The following PCTP variants were observed in gnomAD, a reference collection of about 807,000 sequenced individuals.
The protein encoded by PCTP is phosphatidylcholine transfer protein.
In PCTP, 27 loss-of-function variants were observed where a neutral mutation model predicts 31.0. The observed-to-expected ratio is 0.87, with a 90% CI of 0.64 to 1.20. The LOEUF is 1.20. Ranked by LOEUF, PCTP falls within the 50% of genes most tolerant of loss-of-function variation. The probability of loss-of-function intolerance (pLI) is 0.00; values close to 1 mark genes in which losing one functional copy is unlikely to be tolerated. For missense variants in PCTP, 287 were observed against 268.2 expected (o/e 1.07, Z -0.49); for synonymous variants, 108 against 101.2 (o/e 1.07, Z -0.40).
rs12941739 is a variant in PCTP at position 55,751,132 on chromosome 17, A to G, written c.29A>G (p.Glu10Gly). The G allele has an allele frequency of 1.9e-6, 3 of 1,543,914 alleles. No individual in the cohort carries two copies. The highest frequency in any genetic ancestry group is 2.6e-6 in the Non-Finnish European group (3 of 1,144,628). The change falls in exon 1 of 6, where the codon GAG becomes GGG. Residue 10 changes from glutamate to glycine, a missense_variant. By Grantham distance (98) the Glu-to-Gly change is moderately conservative (BLOSUM62 -2). Transcript: ENST00000268896. ...GAGCTGGCCGCCGGAAGCTTCTCGG[A>G]GGAGCAGTTCTGGGAGGCCTGCGCC... MELAAGSFS[E>G]EQFWEACAEL...
chr17:55,800,792 C>T (rs562250273), intron 3 of PCTP, among the ~76,000 whole-genome samples: 3 of 152,004 alleles, frequency 2.0e-5, no homozygotes, highest in African/African-American at 4.8e-5. Context: ...AAGTTGGTGA[C>T]CTTCAATAGG....
chr17:55,812,233 A>T (rs8082270), intron 3 of PCTP, among the ~76,000 whole-genome samples: 3,104 of 152,236 alleles, frequency 0.02, 120 homozygotes, highest in African/African-American at 0.07. Flanking sequence ...AATAATAATA[A>T]TTACAAACAT....
At chr17:55,835,300 G>A (rs1905742580) in intron 5 of PCTP, among the ~76,000 whole-genome samples, 1 of 152,162 alleles carries the variant, frequency 6.6e-6, no homozygotes, top group Non-Finnish European at 1.5e-5. Flanking sequence ...GTATTCTTTA[G>A]CCCTTTCATG....
chr17:55,774,206 A>C (rs907868531), intron 4 of PCTP, among the ~76,000 whole-genome samples: 2 of 152,162 alleles, frequency 1.3e-5, no homozygotes, highest in Non-Finnish European at 2.9e-5. Flanking sequence ...GGTCCTGTGG[A>C]TACATACGCT....
intron 1 of PCTP, chr17:55,751,602 C>G: frequency 8.0e-6 from 4 of 501,512 alleles, no homozygotes; most frequent in Non-Finnish European, 1.0e-5. Context: ...GTGTCAGTGG[C>G]ATATGGGGGC....
intron 3 of PCTP, among the ~76,000 whole-genome samples, chr17:55,771,468 C>G (rs914997907): frequency 6.6e-6 from 1 of 152,102 alleles, no homozygotes; most frequent in Non-Finnish European, 1.5e-5. Flanking sequence ...AATTGTCAGG[C>G]CACAGAATTG....
chr17:55,848,432 G>A, the PCTP span, among the ~76,000 whole-genome samples: 1 of 152,208 alleles, frequency 6.6e-6, no homozygotes, highest in Non-Finnish European at 1.5e-5. Flanking sequence ...GGCAGAGGGA[G>A]AAGAAAGTTT....
chr17:55,787,281 C>T (rs1911779792), intron 2 of PCTP, among the ~76,000 whole-genome samples: 1 of 150,876 alleles, frequency 6.6e-6, no homozygotes, highest in South Asian at 2.1e-4. Context: ...TGTTTTAATT[C>T]TTATGAATGT....
At chr17:55,844,025 C>G (rs984363281), downstream of PCTP, among the ~76,000 whole-genome samples, 5 of 152,194 alleles carry the variant, frequency 3.3e-5, no homozygotes, top group Non-Finnish European at 5.9e-5. Context: ...TCTCCCTAAC[C>G]CACAGGAGAC....
chr17:55,810,970 C>T (rs745563110), intron 3 of PCTP, among the ~76,000 whole-genome samples: 2 of 152,136 alleles, frequency 1.3e-5, no homozygotes, highest in Non-Finnish European at 2.9e-5. Flanking sequence ...ACCCAAGCTG[C>T]CAGAGTTCTT....
chr17:55,844,640 A>G (rs1057292263), downstream of PCTP, among the ~76,000 whole-genome samples: 6 of 152,150 alleles, frequency 3.9e-5, no homozygotes, highest in Non-Finnish European at 5.9e-5. Context: ...CTGACATTCC[A>G]GTATAGACTC....
chr17:55,790,393 AT>A (rs1911915987), intron 3 of PCTP, among the ~76,000 whole-genome samples: 1 of 152,054 alleles, frequency 6.6e-6, no homozygotes, highest in African/African-American at 2.4e-5. Flanking sequence ...ATGATTGTAT[AT>A]CTAGAAAACC....
intron 2 of PCTP, among the ~76,000 whole-genome samples, chr17:55,783,721 T>C (rs1281920359): frequency 6.6e-6 from 1 of 152,246 alleles, no homozygotes; most frequent in East Asian, 1.9e-4. Flanking sequence ...GAATAATTAC[T>C]GGACTGCTGA....
chr17:55,785,587 A>C (rs942953873), intron 2 of PCTP, among the ~76,000 whole-genome samples: 7 of 152,242 alleles, frequency 4.6e-5, no homozygotes, highest in Admixed American at 3.3e-4. Flanking sequence ...TCTCTCTAAA[A>C]CAAACCAAAC....
At chr17:55,833,016 G>T (rs1199435411) in intron 5 of PCTP, among the ~76,000 whole-genome samples, 1 of 152,156 alleles carries the variant, frequency 6.6e-6, no homozygotes, top group Non-Finnish European at 1.5e-5. Context: ...ACACTGCAAA[G>T]TACTGAATGC....
At chr17:55,819,550 A>C (rs902313818) in intron 3 of PCTP, among the ~76,000 whole-genome samples, 1 of 152,114 alleles carries the variant, frequency 6.6e-6, no homozygotes, top group African/African-American at 2.4e-5. Flanking sequence ...CAGGAGTTCA[A>C]GACCAGCCTA....
chr17:55,791,906 C>T (rs554199503), intron 3 of PCTP, among the ~76,000 whole-genome samples: 5 of 152,056 alleles, frequency 3.3e-5, no homozygotes, highest in African/African-American at 1.2e-4. Context: ...GGAACCAACC[C>T]AAATGTCCAA....
intron 5 of PCTP, among the ~76,000 whole-genome samples, chr17:55,836,180 A>C (rs2145086278): frequency 6.6e-6 from 1 of 152,322 alleles, no homozygotes; most frequent in South Asian, 2.1e-4. Flanking sequence ...GAGTTCAACC[A>C]ACATGTTTAC....
At chr17:55,758,898 GTA>G (rs1910190202) in intron 1 of PCTP, among the ~76,000 whole-genome samples, 5 of 152,148 alleles carry the variant, frequency 3.3e-5, no homozygotes, top group African/African-American at 1.2e-4. Flanking sequence ...CTGTCTCCAG[GTA>G]TAAGCCAAGC....
Sources: allele counts gnomAD v4.1 joint callset (sites outside exome capture counted in the v4.1 genomes callset), GRCh38; gene constraint gnomAD v4.1.1; transcripts MANE v1.5; gene names NCBI Gene and HGNC (gene_info 2026-07-23, HGNC 2026-07-21).